The following FAT1 variants were observed in gnomAD, a reference collection of about 807,000 sequenced individuals.
FAT1 encodes protocadherin Fat 1.
A neutral mutation model predicts 329.8 loss-of-function variants in FAT1; 171 were observed. The observed-to-expected ratio is 0.52, with a 90% CI of 0.46 to 0.59. The LOEUF is 0.59. FAT1 is among the 20% of genes least tolerant of loss of function. The pLI is 0.00. For synonymous variants in FAT1, 2,233 were observed against 2,228.6 expected, an observed-to-expected ratio of 1.00 and a Z score of -0.06; for missense variants, 5,672 against 5,774.4, an observed-to-expected ratio of 0.98 and a Z score of 0.57.
chr4:186,617,261 C>A, intron 10 of FAT1, 60 bp from the exon 11 acceptor site: 2 of 1,187,850 alleles, frequency 1.7e-6, no homozygotes, highest in Admixed American at 2.7e-5. Flanking sequence ...AAATAAGTAA[C>A]AGAAAAAATA....
chr4:186,617,060 G>A lies in FAT1; in HGVS notation c.9020C>T (p.Ala3007Val), dbSNP rs750202307. 23 of 1,613,760 alleles carry A rather than the reference G, an allele frequency of 1.4e-5. No homozygotes were observed. Among genetic ancestry groups the A allele is most frequent in the Admixed American group, 6.7e-5 (4 of 59,998 alleles). ...ATCCAGAACTTTCACTTCAACTATC[G>A]CTTTTGATGAGAAGGTGCCATCAGT... ...TATDGTFSSK[A>V]IVEVKVLDAN... The change falls in exon 11 of 27, where the codon GCG becomes GTG. Residue 3007 changes from alanine (A) to valine (V), a missense_variant. Coordinates refer to ENST00000441802, the MANE Select transcript of FAT1 (RefSeq NM_005245.4).
In FAT1 at chr4:186,617,951, T is replaced by C. The variant is rs1739795502; in HGVS notation, c.8635A>G (p.Lys2879Glu). 5.6e-6 allele frequency: 9 copies of C among 1,614,024 alleles called. No individual in the cohort carries two copies. Among genetic ancestry groups the C allele is most frequent in the Non-Finnish European group, 7.6e-6 (9 of 1,179,898 alleles). Residue 2879 changes from lysine to glutamate, a missense_variant, in exon 10 of 27, where the codon AAG becomes GAG. Lys to Glu is a moderately conservative substitution (Grantham distance 56). Coordinates refer to ENST00000441802, the MANE Select transcript of FAT1 (RefSeq NM_005245.4). ...ACTTTAATCTGGTAATTGTCTCTCT[T>C]TTCATGGTCAAGTTCCTTTAAAGTT... ...ITTLKELDHEKRDNYQIKVVA... is the reference protein window; with the variant it reads ...ITTLKELDHEERDNYQIKVVA...
chr4:186,636,792 A>G lies in FAT1; in HGVS notation c.3765T>C (p.Pro1255=). The change falls in exon 5 of 27, where the codon CCT becomes CCC. Residue 1255 remains proline (P), a synonymous_variant. Coordinates refer to ENST00000441802, the MANE Select transcript of FAT1 (RefSeq NM_005245.4). ...FLQKFYKIRL[P]EREKPDRERN... ...TTTCTCGGTCTGGCTTTTCCCGCTC[A>G]GGGAGTCTGATTTTGTAGAACTTTT... is the stretch of plus-strand genomic sequence containing the variant. 1 of 1,613,972 alleles carries G rather than the reference A, an allele frequency of 6.2e-7. No individual in the cohort carries two copies. The highest frequency in any genetic ancestry group is 8.5e-7 in the Non-Finnish European group (1 of 1,179,878).
Position 186,611,680 on chromosome 4 carries a change from A to G in FAT1, c.9559T>C (p.Leu3187=), listed in dbSNP as rs1032317430. 22 of 1,609,458 alleles carry G rather than the reference A, an allele frequency of 1.4e-5. No individual in the cohort carries two copies. The highest frequency in any genetic ancestry group is 1.9e-5 in the Non-Finnish European group (22 of 1,177,622). The part of the protein sequence containing the change: ...LSGIIQLEKP[L]DRELQAVYTL... ...TATACTGCCTGGAGTTCTCTGTCCAAAGGTTTTTCTAACTGAATAATTCCA... is the reference window on the plus strand; with the variant it reads ...TATACTGCCTGGAGTTCTCTGTCCAGAGGTTTTTCTAACTGAATAATTCCA... Residue 3187 remains leucine (L), a synonymous_variant, in exon 14 of 27, where the codon TTG becomes CTG. Coordinates refer to ENST00000441802, the MANE Select transcript of FAT1 (RefSeq NM_005245.4).
intron 2 of FAT1, among the ~76,000 whole-genome samples, chr4:186,690,772 A>C (rs1482320569): frequency 6.6e-6 from 1 of 152,200 alleles, no homozygotes; most frequent in Non-Finnish European, 1.5e-5. Context: ...ATAAGTCTCT[A>C]AACTTGCATT....
chr4:186,680,608 C>A (rs932575676), intron 2 of FAT1, among the ~76,000 whole-genome samples: 3 of 152,176 alleles, frequency 2.0e-5, no homozygotes, highest in Non-Finnish European at 2.9e-5. Flanking sequence ...AGTTCTAAAG[C>A]ATGGTGTTTG....
At chr4:186,595,006 T>A (rs1458575593) in intron 26 of FAT1, among the ~76,000 whole-genome samples, 1 of 152,176 alleles carries the variant, frequency 6.6e-6, no homozygotes, top group Non-Finnish European at 1.5e-5. Flanking sequence ...ATTGACGTTT[T>A]TCTCTACTGG....
At chr4:186,644,615 A>G (rs917890406) in intron 3 of FAT1, among the ~76,000 whole-genome samples, 2 of 152,202 alleles carry the variant, frequency 1.3e-5, no homozygotes, top group Admixed American at 6.5e-5. Flanking sequence ...TGGCCTTTCA[A>G]CGCCACTTAG....
Position 186,628,515 on chromosome 4 carries a change from A to T in FAT1, c.4572T>A (p.Ala1524=). The T allele has an allele frequency of 6.2e-7, 1 of 1,614,064 alleles. No homozygotes were observed. The highest frequency in any genetic ancestry group is 8.5e-7 in the Non-Finnish European group (1 of 1,179,894). ...TGACCGTGAGGGTGTGCTGGTGAAC[A>T]GCTTCATGATCCAGTTTCTCAGAAG... ...LYTSEKLDHE[A]VHQHTLTVMV... The change falls in exon 8 of 27, where the codon GCT becomes GCA. Residue 1524 remains alanine, a synonymous_variant. Transcript: ENST00000441802.
intron 1 of FAT1, among the ~76,000 whole-genome samples, chr4:186,723,354 C>G (rs1175604635): frequency 6.6e-6 from 1 of 152,190 alleles, no homozygotes; most frequent in East Asian, 1.9e-4. Flanking sequence ...ACCGCGAGGC[C>G]GGCGCAGCCC....
chr4:186,716,080 G>A (rs145537595), intron 1 of FAT1, among the ~76,000 whole-genome samples: 4 of 152,084 alleles, frequency 2.6e-5, no homozygotes, highest in East Asian at 3.9e-4. Context: ...GGTTTCACAC[G>A]CCACAGAGAC....
chr4:186,663,749 A>G (rs1318401819), intron 2 of FAT1, 136 bp from the exon 3 acceptor site: 2 of 644,198 alleles, frequency 3.1e-6, no homozygotes, highest in Non-Finnish European at 5.3e-6. Flanking sequence ...CAGGTTAACC[A>G]GCCTTTCTGT....
At chr4:186,605,861 T>C (rs1489601574) in intron 17 of FAT1, among the ~76,000 whole-genome samples, 1 of 151,902 alleles carries the variant, frequency 6.6e-6, no homozygotes, top group Non-Finnish European at 1.5e-5. Flanking sequence ...AGTGAGAATA[T>C]CTCAAAAATC....
intron 2 of FAT1, among the ~76,000 whole-genome samples, chr4:186,694,582 T>A (rs1332095826): frequency 2.0e-5 from 3 of 152,178 alleles, no homozygotes; most frequent in Non-Finnish European, 2.9e-5. Flanking sequence ...CTAACTAAAT[T>A]TCCCCCCATT....
rs892630031 is a variant in FAT1 at position 186,603,430 on chromosome 4, T to C, written c.11096A>G (p.Glu3699Gly). The C allele has an allele frequency of 2.5e-6, 4 of 1,613,902 alleles. No homozygotes were observed. Among genetic ancestry groups the C allele is most frequent in the South Asian group, 1.1e-5 (1 of 91,086 alleles). ...HPHLDVLLFV[E>G]KPGSAQISTK... The stretch of plus-strand genomic sequence containing the variant: ...TGAGATCTGAGCACTACCTGGTTTC[T>C]CTACAAAAAGTAAGACGTCCAGATG... The change falls in exon 19 of 27, where the codon GAG (glutamate) becomes GGG (glycine). Residue 3699 changes from glutamate (E) to glycine (G), a missense_variant. Physicochemically the swap from Glu to Gly is moderately conservative, Grantham distance 98. Coordinates refer to ENST00000441802, the MANE Select transcript of FAT1 (RefSeq NM_005245.4).
intron 2 of FAT1, among the ~76,000 whole-genome samples, chr4:186,705,073 T>G (rs577166412): frequency 6.7e-6 from 1 of 149,846 alleles, no homozygotes; most frequent in Admixed American, 6.7e-5. Flanking sequence ...GCCTCCCAAG[T>G]AGCTGGGACT....
intron 17 of FAT1, among the ~76,000 whole-genome samples, chr4:186,605,359 G>A (rs1187910817): frequency 1.4e-5 from 2 of 142,008 alleles, no homozygotes; most frequent in African/African-American, 2.7e-5. Context: ...GAGGAGTGGC[G>A]ACGAGGTGGA....
At position 186,603,332 on chromosome 4, in the gene FAT1, T is replaced by C. The variant is rs1738913279; in HGVS notation, c.11194A>G (p.Asn3732Asp). 1 of 1,613,968 alleles carries C rather than the reference T, an allele frequency of 6.2e-7. No individual in the cohort carries two copies. The highest frequency in any genetic ancestry group is 8.5e-7 in the Non-Finnish European group (1 of 1,179,894). ...IEEIIGVRIL[N>D]VFQKLCAGLD... ...CCCGCGCAGAGTTTCTGGAATACAT[T>C]CAGTATCCTAACTCCAATGATTTCC... The change falls in exon 19 of 27, where the codon AAT becomes GAT. Residue 3732 changes from asparagine to aspartate, a missense_variant. Around this residue, in one of 2 missense-constraint regions of FAT1, gnomAD observed 1,706 missense variants for 1,859.1 expected, o/e 0.92. Coordinates refer to ENST00000441802, the MANE Select transcript of FAT1 (RefSeq NM_005245.4).
chr4:186,651,374 T>C (rs994285265), intron 3 of FAT1, among the ~76,000 whole-genome samples: 6 of 152,068 alleles, frequency 3.9e-5, no homozygotes, highest in Non-Finnish European at 8.8e-5. Flanking sequence ...CTGAGAGCTG[T>C]ACAATGGGTG....
Sources: gnomAD v4.1 joint callset for allele counts (sites outside exome capture counted in the v4.1 genomes callset) on GRCh38, gnomAD v4.1.1 for gene constraint, gnomAD v4.1.1 regional missense constraint, MANE v1.5 for transcripts, NCBI Gene and HGNC (gene_info 2026-07-23, HGNC 2026-07-21) for gene names.